The following ZNF254 variants were observed in gnomAD, a reference collection of about 807,000 sequenced individuals.
ZNF254 encodes zinc finger protein 254, also known as CTD-2017D11.1.
In ZNF254, 10 loss-of-function variants were observed where a neutral mutation model predicts 12.4. The observed-to-expected ratio is 0.80, with a 90% CI of 0.50 to 1.36. The LOEUF is 1.36. Among genes scored for constraint, ZNF254 ranks in the 40% most tolerant of loss-of-function variants. The pLI is 0.00. For missense variants in ZNF254, 996 were observed against 763.9 expected, an observed-to-expected ratio of 1.30 and a Z score of -3.58; for synonymous variants, 305 against 253.4, an observed-to-expected ratio of 1.20 and a Z score of -1.93.
At chr19:24,110,662 A>G (rs1455538833) in intron 3 of ZNF254, among the ~76,000 whole-genome samples, 4 of 152,154 alleles carry the variant, frequency 2.6e-5, no homozygotes, top group Non-Finnish European at 5.9e-5. Flanking sequence ...ACTAAAACTC[A>G]ATATCCCTTA....
upstream of ZNF254, among the ~76,000 whole-genome samples, chr19:24,086,784 T>C (rs899086883): frequency 6.6e-6 from 1 of 152,174 alleles, no homozygotes; most frequent in African/African-American, 2.4e-5. Context: ...GCTGATGGAT[T>C]TACTTATAAC....
intron 2 of ZNF254, among the ~76,000 whole-genome samples, chr19:24,070,240 A>G (rs1275689999): frequency 6.6e-6 from 1 of 152,226 alleles, no homozygotes; most frequent in Non-Finnish European, 1.5e-5. Flanking sequence ...CTTAGAGTGG[A>G]TTGCGACTCA....
At chr19:24,091,179 G>C (rs567278922) in intron 1 of ZNF254, among the ~76,000 whole-genome samples, 2 of 151,400 alleles carry the variant, frequency 1.3e-5, no homozygotes, top group Non-Finnish European at 2.9e-5. Flanking sequence ...TCCTGACCTC[G>C]GGTGATCCGC....
At chr19:24,120,345 A>C (rs1364580295) in intron 3 of ZNF254, among the ~76,000 whole-genome samples, 1 of 152,174 alleles carries the variant, frequency 6.6e-6, no homozygotes, top group African/African-American at 2.4e-5. Context: ...GAATTTACAT[A>C]AAACATCTAA....
intron 2 of ZNF254, chr19:24,078,675 C>T (rs987155877): frequency 6.6e-6 from 1 of 152,094 alleles, no homozygotes; most frequent in African/African-American, 2.4e-5. Flanking sequence ...CTATAAGCTA[C>T]CTGCTCAGTA....
intron 1 of ZNF254, chr19:24,105,656 G>A (rs959372392): frequency 4.8e-5 from 14 of 290,108 alleles, no homozygotes; most frequent in Admixed American, 4.5e-4. Flanking sequence ...TTATGTAAAC[G>A]TAGCACTCAA....
chr19:24,081,841 C>A (rs1028214432), intron 2 of ZNF254, among the ~76,000 whole-genome samples: 2 of 152,042 alleles, frequency 1.3e-5, no homozygotes, highest in African/African-American at 4.8e-5. Flanking sequence ...GAAATAATTC[C>A]GATGGGTACA....
At chr19:24,069,929 G>T (rs570228007) in intron 2 of ZNF254, among the ~76,000 whole-genome samples, 1 of 152,212 alleles carries the variant, frequency 6.6e-6, no homozygotes, top group East Asian at 1.9e-4. Context: ...TGTCTCAAAA[G>T]GAAAAAGAAA....
At chr19:24,046,905 C>T (rs1970413171) in intron 2 of ZNF254, among the ~76,000 whole-genome samples, 1 of 150,094 alleles carries the variant, frequency 6.7e-6, no homozygotes, top group Admixed American at 6.7e-5. Flanking sequence ...TGCTCTGTTG[C>T]CCAGGCTGGA....
At chr19:24,090,577 C>G (rs559455667) in intron 1 of ZNF254, among the ~76,000 whole-genome samples, 1 of 152,212 alleles carries the variant, frequency 6.6e-6, no homozygotes, top group Admixed American at 6.5e-5. Flanking sequence ...GCTGGGACTA[C>G]AGGTGTGCAC....
chr19:24,087,233 C>G lies in ZNF254; in HGVS notation c.-75C>G. The G allele has an allele frequency of 6.2e-7, 1 of 1,600,008 alleles. No homozygotes were observed. Among genetic ancestry groups the G allele is most frequent in the South Asian group, 1.1e-5 (1 of 90,816 alleles). ...CGGAGTCCCAGGTCTGTCTTCACTG[C>G]TCTGTGTCCTCTGCTCCTAGAGGCC... On this transcript the variant is annotated 5_prime_UTR_variant, in exon 1 of 4. Coordinates refer to ENST00000357002, the MANE Select transcript of ZNF254 (RefSeq NM_203282.4).
chr19:24,055,232 A>AAAAAAAAG lies in ZNF254; in HGVS notation c.-94+8953_-94+8954insAAAAAAAG, dbSNP rs1555753129. Reference sequence around the variant, plus strand: ...AAAAAAAAAAAAAAAAAAAAAAAAAAGAGTGTACTAACAAGACCCAGCACA... The same window carrying AAAAAAAAG: ...AAAAAAAAAAAAAAAAAAAAAAAAAAAAAAAAAGGAGTGTACTAACAAGACCCAGCACA... On this transcript the variant is annotated intron_variant, in intron 2 of 4. Transcript: ENST00000613065. 7.0e-4 allele frequency among the ~76,000 whole-genome samples: 86 copies of AAAAAAAAG among 122,624 alleles called. 3 individuals carry two copies. Among genetic ancestry groups the AAAAAAAAG allele is most frequent in the Non-Finnish European group, 1.2e-3 (64 of 55,426 alleles). 80.4% of individuals were successfully genotyped at this position (122,624 alleles called of 152,430 possible).
intron 2 of ZNF254, among the ~76,000 whole-genome samples, chr19:24,047,596 C>CTT (rs386388790): frequency 1.6e-3 from 174 of 107,902 alleles, no homozygotes; most frequent in East Asian, 7.7e-3. Context: ...TTCATTCTTC[C>CTT]TTTTTTTTTT....
chr19:24,097,095 A>C (rs1393222061), intron 1 of ZNF254, among the ~76,000 whole-genome samples: 3 of 152,238 alleles, frequency 2.0e-5, no homozygotes, highest in Non-Finnish European at 2.9e-5. Context: ...AGATATATGT[A>C]AATCATATTA....
At position 24,126,608 on chromosome 19, in the gene ZNF254, T is replaced by A; in HGVS notation, c.608T>A (p.Ile203Asn). Residue 203 changes from isoleucine (I) to asparagine (N), a missense_variant, in exon 4 of 4, where the codon ATT (isoleucine) becomes AAT (asparagine). By Grantham distance (149) the Ile-to-Asn change is moderately radical. Coordinates refer to ENST00000357002, the MANE Select transcript of ZNF254 (RefSeq NM_203282.4). ...MLSHKTQHKS[I>N]YHREKSYKCK... ...TCACATAAAACCCAACACAAAAGCATTTATCATAGAGAGAAGTCCTACAAA... is the reference window on the plus strand; with the variant it reads ...TCACATAAAACCCAACACAAAAGCAATTATCATAGAGAGAAGTCCTACAAA... The A allele has an allele frequency of 6.2e-7, 1 of 1,606,144 alleles. No individual in the cohort carries two copies. Among genetic ancestry groups the A allele is most frequent in the Non-Finnish European group, 8.5e-7 (1 of 1,177,948 alleles).
intron 3 of ZNF254, among the ~76,000 whole-genome samples, chr19:24,112,901 A>G (rs1219891527): frequency 6.6e-6 from 1 of 152,210 alleles, no homozygotes; most frequent in Non-Finnish European, 1.5e-5. Context: ...TACTACAAAC[A>G]CCTCTATGCA....
At chr19:24,034,553 A>T (rs1969893700) in intron 1 of ZNF254, among the ~76,000 whole-genome samples, 1 of 134,680 alleles carries the variant, frequency 7.4e-6, no homozygotes, top group African/African-American at 2.9e-5. Flanking sequence ...GCTGTAGTAC[A>T]GTGGCACGAT....
At chr19:24,050,873 T>C (rs1031918089) in intron 2 of ZNF254, among the ~76,000 whole-genome samples, 1 of 151,788 alleles carries the variant, frequency 6.6e-6, no homozygotes, top group Non-Finnish European at 1.5e-5. Flanking sequence ...AAATTTTTTT[T>C]ATGTTTTCAG....
At chr19:24,082,726 C>G (rs1013516446), upstream of ZNF254, among the ~76,000 whole-genome samples, 1 of 150,684 alleles carries the variant, frequency 6.6e-6, no homozygotes, top group African/African-American at 2.4e-5. Context: ...CAAGCTTTGC[C>G]CCGACCACCT....
Sources: allele counts gnomAD v4.1 joint callset (sites outside exome capture counted in the v4.1 genomes callset), GRCh38; gene constraint gnomAD v4.1.1; transcripts MANE v1.5; gene names NCBI Gene and HGNC (gene_info 2026-07-23, HGNC 2026-07-21).